The following MDFIC2 variants were observed in gnomAD, a reference collection of about 807,000 sequenced individuals.
MDFIC2 encodes myoD family inhibitor domain-containing protein 2.
rs115970786 is a variant in MDFIC2, at chr3:70,251,157, A to G, written c.89-44367T>C. Among the ~76,000 whole-genome samples the G allele has an allele frequency of 6.7e-3, 1,020 of 152,294 alleles. 13 individuals carry two copies. Among genetic ancestry groups the G allele is most frequent in the African/African-American group, 0.023 (946 of 41,556 alleles). ...TGTAATTCCATTAGAGAAATTGCAA[A>G]AAGGTGGTTTCTGCCCACATCTTTG... On this transcript the variant is annotated intron_variant, in intron 2 of 3. Coordinates refer to ENST00000567252, the MANE Select transcript of MDFIC2 (RefSeq NM_001364677.1).
chr3:70,284,012 C>A (rs1244174748), intron 2 of MDFIC2, among the ~76,000 whole-genome samples: 1 of 152,022 alleles, frequency 6.6e-6, no homozygotes, highest in African/African-American at 2.4e-5. Flanking sequence ...GTTTCCATGC[C>A]TTTGGGTGGC....
chr3:70,275,009 G>A (rs1702009232), intron 2 of MDFIC2, among the ~76,000 whole-genome samples: 1 of 151,922 alleles, frequency 6.6e-6, no homozygotes, highest in Non-Finnish European at 1.5e-5. Flanking sequence ...TCAGAACCTT[G>A]TTTCTCAAAG....
intron 3 of MDFIC2, chr3:70,205,792 G>C (rs1049036970): frequency 1.3e-5 from 2 of 152,008 alleles, no homozygotes; most frequent in African/African-American, 4.8e-5. Flanking sequence ...ACCATACCTT[G>C]TTACATTTTC....
At chr3:70,262,030 G>T (rs2106662333) in intron 2 of MDFIC2, among the ~76,000 whole-genome samples, 1 of 152,256 alleles carries the variant, frequency 6.6e-6, no homozygotes, top group Non-Finnish European at 1.5e-5. Flanking sequence ...AGAGGAGACG[G>T]ATTTGAGCCA....
chr3:70,289,839 C>T (rs1452912053), intron 2 of MDFIC2, among the ~76,000 whole-genome samples: 1 of 152,154 alleles, frequency 6.6e-6, no homozygotes, highest in East Asian at 1.9e-4. Flanking sequence ...CCCTTTCTTC[C>T]AGTTGATTGC....
chr3:70,287,751 A>G (rs1702181684), intron 2 of MDFIC2, among the ~76,000 whole-genome samples: 1 of 151,688 alleles, frequency 6.6e-6, no homozygotes, highest in South Asian at 2.1e-4. Flanking sequence ...TTATTGGTCT[A>G]TTCAGAGATT....
At chr3:70,311,671 C>T (rs1702454334) in intron 2 of MDFIC2, among the ~76,000 whole-genome samples, 1 of 151,748 alleles carries the variant, frequency 6.6e-6, no homozygotes, top group Admixed American at 6.6e-5. Context: ...ATGTTTCCTG[C>T]AATACAGGGA....
At chr3:70,262,954 A>G (rs1030323919) in intron 2 of MDFIC2, among the ~76,000 whole-genome samples, 7 of 152,244 alleles carry the variant, frequency 4.6e-5, no homozygotes, top group East Asian at 3.9e-4. Flanking sequence ...TGCTCTTCCT[A>G]TCTGTATTGT....
At chr3:70,298,466 C>G (rs570087318) in intron 2 of MDFIC2, among the ~76,000 whole-genome samples, 1 of 152,168 alleles carries the variant, frequency 6.6e-6, no homozygotes, top group African/African-American at 2.4e-5. Flanking sequence ...GAGCTGAACT[C>G]CAACTTTTAT....
At chr3:70,304,764 A>G (rs1412905417) in intron 2 of MDFIC2, among the ~76,000 whole-genome samples, 5 of 152,170 alleles carry the variant, frequency 3.3e-5, no homozygotes, top group Non-Finnish European at 7.3e-5. Context: ...ATGACTGCAT[A>G]TGTTACCCTG....
At chr3:70,287,133 G>T (rs1575616049) in intron 2 of MDFIC2, among the ~76,000 whole-genome samples, 1 of 137,670 alleles carries the variant, frequency 7.3e-6, no homozygotes, top group Non-Finnish European at 1.6e-5. Flanking sequence ...CCTGTCTTGT[G>T]CCAGTTTTCA....
chr3:70,277,913 TG>T (rs1702043064), intron 2 of MDFIC2, among the ~76,000 whole-genome samples: 1 of 152,226 alleles, frequency 6.6e-6, no homozygotes, highest in Non-Finnish European at 1.5e-5. Flanking sequence ...GAGACCCTAC[TG>T]GCCAGATTTC....
chr3:70,258,541 T>C (rs1701838515), intron 2 of MDFIC2, among the ~76,000 whole-genome samples: 1 of 152,182 alleles, frequency 6.6e-6, no homozygotes, highest in Admixed American at 6.5e-5. Context: ...GTCTCATTTT[T>C]TTAAGTTAGT....
intron 2 of MDFIC2, among the ~76,000 whole-genome samples, chr3:70,238,519 A>G (rs895060556): frequency 6.6e-6 from 1 of 152,000 alleles, no homozygotes; most frequent in Admixed American, 6.6e-5. Flanking sequence ...AAGCAGATGT[A>G]GGAGATCTAT....
At chr3:70,306,285 A>G (rs7426812) in intron 2 of MDFIC2, among the ~76,000 whole-genome samples, 71,421 of 151,694 alleles carry the variant, frequency 0.47, 17,412 homozygotes, top group East Asian at 0.82. Flanking sequence ...GCTAATTTCT[A>G]TATTTTTAGT....
At chr3:70,277,069 T>A (rs1231187580) in intron 2 of MDFIC2, among the ~76,000 whole-genome samples, 3 of 152,166 alleles carry the variant, frequency 2.0e-5, no homozygotes, top group Non-Finnish European at 4.4e-5. Context: ...GAAATCAGAA[T>A]TATTGAGATT....
intron 2 of MDFIC2, among the ~76,000 whole-genome samples, chr3:70,289,831 C>G (rs1405100646): frequency 6.6e-6 from 1 of 152,018 alleles, no homozygotes; most frequent in Admixed American, 6.6e-5. Context: ...TGCTGATACC[C>G]TTTCTTCCAG....
intron 2 of MDFIC2, among the ~76,000 whole-genome samples, chr3:70,286,693 A>G (rs929680834): frequency 1.3e-5 from 2 of 152,126 alleles, no homozygotes; most frequent in African/African-American, 2.4e-5. Flanking sequence ...ACCCATGAGC[A>G]TGGAATGTTC....
At chr3:70,268,725 T>A (rs1701947226) in intron 2 of MDFIC2, among the ~76,000 whole-genome samples, 1 of 152,200 alleles carries the variant, frequency 6.6e-6, no homozygotes, top group South Asian at 2.1e-4. Flanking sequence ...AATCTATTGA[T>A]TTTGGCATCT....
Sources: gnomAD v4.1 joint callset for allele counts (sites outside exome capture counted in the v4.1 genomes callset) on GRCh38, gnomAD v4.1.1 for gene constraint, MANE v1.5 for transcripts, NCBI Gene and HGNC (gene_info 2026-07-23, HGNC 2026-07-21) for gene names.